PRDM1: variants seen among roughly 807,000 people sequenced by gnomAD.
PRDM1 encodes PR domain zinc finger protein 1.
A neutral mutation model predicts 62.8 loss-of-function variants in PRDM1; 13 were observed. The ratio of observed to expected loss-of-function variants is 0.21; its 90% CI spans 0.13 to 0.33. The LOEUF is 0.33. PRDM1 is among the 10% of genes least tolerant of loss of function. The pLI, the probability that PRDM1 is intolerant of heterozygous loss-of-function variation, is 1.00. For missense variants in PRDM1, 895 were observed against 1,058.8 expected, an observed-to-expected ratio of 0.85 and a Z score of 2.15; for synonymous variants, 396 against 417.6, an observed-to-expected ratio of 0.95 and a Z score of 0.63.
At position 106,038,014 on chromosome 6, in the gene PRDM1, C is replaced by CTTT. The variant is rs1227783243; in HGVS notation, c.-67+44393_-67+44395dup. 3.2e-3 allele frequency among the ~76,000 whole-genome samples: 154 copies of CTTT among 47,784 alleles called. 36 individuals are homozygous for CTTT. The highest frequency in any genetic ancestry group is 0.011 in the African/African-American group (131 of 11,656). The allele number at this position is 47,784 out of a possible 152,430, so 31.3% of individuals were successfully genotyped here. ...CTTTCCTATGGTTTGCTATTTTTGTCTTTTTTTTTTTTTTTTTTTTGAGAC... is the reference window on the plus strand; with the variant it reads ...CTTTCCTATGGTTTGCTATTTTTGTCTTTTTTTTTTTTTTTTTTTTTTTGAGAC... On this transcript the variant is annotated intron_variant, in intron 1 of 6. Coordinates refer to the PRDM1 transcript ENST00000652320.
In PRDM1 at chr6:106,088,497, T is replaced by A. The variant is rs1773875161; in HGVS notation, c.291+48T>A. On this transcript the variant is annotated intron_variant, in intron 2 of 6. Transcript: ENST00000369096. ...AGAAGATTGGGGACCTGGTGCCAAA[T>A]CTCCCTACTTGCCCTTGAGGCCTTG... is the stretch of plus-strand genomic sequence containing the variant. The A allele has an allele frequency of 3.1e-6, 5 of 1,610,656 alleles. No homozygotes were observed. In the East Asian group the frequency reaches 1.1e-4, roughly 36 times the overall value.
At chr6:106,022,676 C>T (rs1358903128) in intron 1 of PRDM1, among the ~76,000 whole-genome samples, 2 of 152,060 alleles carry the variant, frequency 1.3e-5, no homozygotes, top group East Asian at 1.9e-4. Flanking sequence ...CTGCCCACCT[C>T]GGCCTCCCAA....
chr6:106,039,222 G>T (rs1416075460), intron 1 of PRDM1, among the ~76,000 whole-genome samples: 1 of 152,160 alleles, frequency 6.6e-6, no homozygotes, highest in Admixed American at 6.5e-5. Flanking sequence ...ACTATCTCAG[G>T]CTGCATTGGA....
At chr6:106,032,497 G>A (rs1234695750) in intron 1 of PRDM1, among the ~76,000 whole-genome samples, 1 of 152,072 alleles carries the variant, frequency 6.6e-6, no homozygotes, top group Non-Finnish European at 1.5e-5. Context: ...GAGTGCAGTG[G>A]CGCAGTCTCT....
intron 1 of PRDM1, among the ~76,000 whole-genome samples, chr6:106,041,887 A>G (rs1398433850): frequency 6.9e-6 from 1 of 145,916 alleles, no homozygotes; most frequent in African/African-American, 2.6e-5. Context: ...GGCTGACTGC[A>G]TCCTCCACCT....
intron 2 of PRDM1, among the ~76,000 whole-genome samples, chr6:106,090,415 A>G (rs1465074730): frequency 6.6e-6 from 1 of 152,226 alleles, no homozygotes; most frequent in African/African-American, 2.4e-5. Flanking sequence ...GCTTGAATAG[A>G]GGATAGTATG....
At chr6:106,094,906 AAC>A (rs3833460) in intron 2 of PRDM1, among the ~76,000 whole-genome samples, 993 of 88,676 alleles carry the variant, frequency 0.011, 17 homozygotes, top group African/African-American at 0.031. Flanking sequence ...TTGTCTTTAA[AAC>A]ACACACACAC....
chr6:106,098,831 A>C (rs1297930613), intron 3 of PRDM1: 4 of 1,527,338 alleles, frequency 2.6e-6, no homozygotes, highest in Non-Finnish European at 3.5e-6. Flanking sequence ...GGAAACGGCG[A>C]GTACAGAGGC....
rs1774499613 is a variant in PRDM1 at position 106,106,636 on chromosome 6, G to C, written c.1902+137G>C. ...TCCCATCCTGGACTGATGGCACTAT[G>C]GTCCTTCCCAGTACTTTGTATCTGC... On this transcript the variant is annotated intron_variant, in intron 6 of 6. Coordinates refer to ENST00000369096, the MANE Select transcript of PRDM1 (RefSeq NM_001198.4). This position sits in a 1 kb window ranked among gnomAD's most constrained non-coding sequence, Gnocchi z 4.4. 2.4e-6 allele frequency: 3 copies of C among 1,268,604 alleles called. No homozygotes were observed. The highest frequency in any genetic ancestry group is 3.2e-6 in the Non-Finnish European group (3 of 925,640). The allele number at this position is 1,268,604 out of a possible 1,614,324, so 78.6% of individuals were successfully genotyped here. A position where few individuals can be genotyped will look rare whatever the true frequency, so the allele number is the denominator to read the frequency against.
At chr6:106,062,731 C>T (rs1489505343) in intron 1 of PRDM1, among the ~76,000 whole-genome samples, 1 of 152,176 alleles carries the variant, frequency 6.6e-6, no homozygotes, top group African/African-American at 2.4e-5. Flanking sequence ...TTTTGGCTTG[C>T]TGCTGCTCAG....
chr6:106,056,370 T>G (rs941672435), intron 1 of PRDM1, among the ~76,000 whole-genome samples: 1 of 152,202 alleles, frequency 6.6e-6, no homozygotes, highest in Non-Finnish European at 1.5e-5. Flanking sequence ...ATTGAATGAA[T>G]TGGCCATTCC....
In PRDM1 at chr6:106,107,454, A is replaced by G. The variant is rs1468717222; in HGVS notation, c.2446A>G (p.Lys816Glu). 1 of 1,608,280 alleles carries G rather than the reference A, an allele frequency of 6.2e-7. No homozygotes were observed. Among genetic ancestry groups the G allele is most frequent in the Non-Finnish European group, 8.5e-7 (1 of 1,177,418 alleles). Residue 816 changes from lysine to glutamate, a missense_variant, in exon 7 of 7, where the codon AAA becomes GAA. By Grantham distance (56) the Lys-to-Glu change is moderately conservative. Coordinates refer to ENST00000369096, the MANE Select transcript of PRDM1 (RefSeq NM_001198.4). ...NPLPLVPVKV[K>E]QETVEPMDP ...ACTACCTCTGGTACCTGTAAAGGTC[A>G]AACAAGAAACAGTTGAACCAATGGA...
upstream of PRDM1, chr6:106,086,200 T>G (rs999893069): frequency 3.0e-6 from 1 of 330,928 alleles, no homozygotes; most frequent in Non-Finnish European, 5.5e-6. Flanking sequence ...GAGAGGAAGC[T>G]CTCGGCGGCT....
chr6:106,004,544 T>C (rs1772462458), intron 1 of PRDM1, among the ~76,000 whole-genome samples: 1 of 152,186 alleles, frequency 6.6e-6, no homozygotes, highest in Non-Finnish European at 1.5e-5. Context: ...CCAAGTGATT[T>C]TGGAGTGGCT....
At chr6:106,008,485 ATCCCCACCCT>A (rs59562692) in intron 1 of PRDM1, among the ~76,000 whole-genome samples, 113,408 of 151,682 alleles carry the variant, frequency 0.75, 43,155 homozygotes, top group South Asian at 0.87. Context: ...TGGGCACCAG[ATCCCCACCCT>A]TTCACACTCT....
chr6:106,007,247 C>G (rs981046597), intron 1 of PRDM1, among the ~76,000 whole-genome samples: 1 of 151,648 alleles, frequency 6.6e-6, no homozygotes, highest in Admixed American at 6.6e-5. Context: ...CTGGCCAACA[C>G]GGTGAAACTC....
At chr6:106,065,348 C>T (rs938992884) in intron 1 of PRDM1, among the ~76,000 whole-genome samples, 2 of 152,060 alleles carry the variant, frequency 1.3e-5, no homozygotes, top group African/African-American at 4.8e-5. Flanking sequence ...ATGATTAGAC[C>T]TGCCCCTACA....
chr6:106,059,992 C>G (rs1478814285), intron 1 of PRDM1, among the ~76,000 whole-genome samples: 1 of 152,082 alleles, frequency 6.6e-6, no homozygotes, highest in Non-Finnish European at 1.5e-5. Flanking sequence ...TTGATATGTC[C>G]ATAAAATGTC....
At chr6:105,997,911 T>C (rs1582420309) in intron 1 of PRDM1, among the ~76,000 whole-genome samples, 2 of 152,320 alleles carry the variant, frequency 1.3e-5, no homozygotes, top group South Asian at 4.1e-4. Context: ...GTTTTAAATA[T>C]GATGGTTTCT....
Sources: allele counts gnomAD v4.1 joint callset (sites outside exome capture counted in the v4.1 genomes callset), GRCh38; gene constraint gnomAD v4.1.1; non-coding constraint Gnocchi (gnomAD v3.1); transcripts MANE v1.5; gene names NCBI Gene and HGNC (gene_info 2026-07-23, HGNC 2026-07-21).